TMTC1: variants seen among roughly 807,000 people sequenced by gnomAD.
TMTC1 encodes transmembrane O-mannosyltransferase targeting cadherins 1, also known as protein O-mannosyl-transferase TMTC1.
In TMTC1, 73 loss-of-function variants were observed where a neutral mutation model predicts 104.8. That is an observed-to-expected ratio of 0.70 (90% CI 0.58 to 0.85). The LOEUF (loss-of-function observed/expected upper bound fraction) is 0.85. Among genes scored for constraint, TMTC1 ranks in the 40% least tolerant of loss-of-function variants. TMTC1 has a pLI of 0.00. For missense variants in TMTC1, 1,035 were observed against 1,096.1 expected (o/e 0.94, Z 0.79); for synonymous variants, 434 against 428.7 (o/e 1.01, Z -0.15).
intron 5 of TMTC1, among the ~76,000 whole-genome samples, chr12:29,642,137 A>T (rs1938881276): frequency 6.6e-6 from 1 of 152,206 alleles, no homozygotes; most frequent in Admixed American, 6.5e-5. Flanking sequence ...CTGAGGAAGA[A>T]GAGGATTCTA....
intron 6 of TMTC1, chr12:29,614,044 A>AC: frequency 2.8e-6 from 1 of 355,474 alleles, no homozygotes; most frequent in Non-Finnish European, 3.9e-6. Context: ...GAAGATCTAA[A>AC]TGTTTTAGAG....
chr12:29,571,428 G>A (rs1945673608), intron 9 of TMTC1, among the ~76,000 whole-genome samples: 2 of 151,766 alleles, frequency 1.3e-5, no homozygotes, highest in Admixed American at 1.3e-4. Context: ...ACTTCCGACT[G>A]GCTAGTTGGG....
intron 5 of TMTC1, among the ~76,000 whole-genome samples, chr12:29,708,865 C>T (rs1377798704): frequency 1.3e-5 from 2 of 152,106 alleles, no homozygotes; most frequent in South Asian, 2.1e-4. Context: ...CATCTAAAAT[C>T]AAGGGCCAAG....
At chr12:29,657,445 A>T (rs1939812334) in intron 5 of TMTC1, among the ~76,000 whole-genome samples, 1 of 152,202 alleles carries the variant, frequency 6.6e-6, no homozygotes, top group South Asian at 2.1e-4. Flanking sequence ...TAATTAAAGG[A>T]TATATGAAAC....
intron 9 of TMTC1, among the ~76,000 whole-genome samples, chr12:29,567,142 C>T (rs1047351856): frequency 6.6e-6 from 1 of 152,252 alleles, no homozygotes; most frequent in Admixed American, 6.5e-5. Flanking sequence ...GAGGCCTCAG[C>T]TGGAACTGCA....
chr12:29,590,592 C>T (rs528836577), intron 7 of TMTC1, among the ~76,000 whole-genome samples: 2 of 152,274 alleles, frequency 1.3e-5, no homozygotes, highest in East Asian at 3.9e-4. Context: ...TGAGACCAGC[C>T]TGATCAACAT....
intron 6 of TMTC1, among the ~76,000 whole-genome samples, chr12:29,612,699 G>A (rs138197725): frequency 6.6e-6 from 1 of 152,286 alleles, no homozygotes; most frequent in Non-Finnish European, 1.5e-5. Context: ...ACAGGCATGA[G>A]CCACTGTACC....
chr12:29,721,775 T>C (rs1018240431), intron 5 of TMTC1, among the ~76,000 whole-genome samples: 33 of 152,098 alleles, frequency 2.2e-4, no homozygotes, highest in African/African-American at 8.0e-4. Context: ...TAAAAAGCTT[T>C]TATGTATATA....
chr12:29,600,450 C>T (rs1183655674), intron 7 of TMTC1, among the ~76,000 whole-genome samples: 1 of 152,202 alleles, frequency 6.6e-6, no homozygotes, highest in Non-Finnish European at 1.5e-5. Flanking sequence ...CTTACCCAGA[C>T]TTTAATTTCC....
At chr12:29,563,591 C>G (rs948204108) in intron 9 of TMTC1, among the ~76,000 whole-genome samples, 1 of 152,104 alleles carries the variant, frequency 6.6e-6, no homozygotes, top group Non-Finnish European at 1.5e-5. Context: ...ATGCACAGGA[C>G]AGTTCTGCAC....
At chr12:29,569,512 G>A (rs1409709695) in intron 9 of TMTC1, among the ~76,000 whole-genome samples, 1 of 152,200 alleles carries the variant, frequency 6.6e-6, no homozygotes, top group Non-Finnish European at 1.5e-5. Flanking sequence ...AAGTAGAGGT[G>A]GAGCAGCTGG....
At chr12:29,603,119 C>G (rs1185280062) in intron 7 of TMTC1, among the ~76,000 whole-genome samples, 2 of 152,110 alleles carry the variant, frequency 1.3e-5, no homozygotes, top group Non-Finnish European at 2.9e-5. Context: ...TTATCAAGCA[C>G]TCATCTCCTT....
chr12:29,641,932 G>A (rs1193429167), intron 5 of TMTC1, among the ~76,000 whole-genome samples: 1 of 152,164 alleles, frequency 6.6e-6, no homozygotes, highest in East Asian at 1.9e-4. Context: ...TACATGTTTA[G>A]AAATGTGAAA....
At chr12:29,648,009 C>G (rs967056646) in intron 5 of TMTC1, among the ~76,000 whole-genome samples, 21 of 152,176 alleles carry the variant, frequency 1.4e-4, no homozygotes, top group African/African-American at 5.1e-4. Flanking sequence ...TATGCAGAAG[C>G]CATACTTGGG....
intron 5 of TMTC1, among the ~76,000 whole-genome samples, chr12:29,709,468 A>C (rs1328209145): frequency 2.0e-5 from 3 of 152,234 alleles, no homozygotes; most frequent in Non-Finnish European, 4.4e-5. Flanking sequence ...AAAGGAAGAA[A>C]AGAAAAAATA....
chr12:29,511,711 T>C (rs1943841759), intron 17 of TMTC1, among the ~76,000 whole-genome samples: 1 of 152,194 alleles, frequency 6.6e-6, no homozygotes, highest in African/African-American at 2.4e-5. Context: ...ACTGAGCTAC[T>C]GAGCTTGAAC....
At chr12:29,755,559 T>G in intron 4 of TMTC1, 150 bp downstream of exon 4, 3 of 640,846 alleles carry the variant, frequency 4.7e-6, no homozygotes, top group Admixed American at 3.2e-5. Flanking sequence ...CTTATCTTAA[T>G]GAAATAAGCC....
intron 5 of TMTC1, among the ~76,000 whole-genome samples, chr12:29,701,819 A>G (rs2136800365): frequency 6.6e-6 from 1 of 152,332 alleles, no homozygotes; most frequent in African/African-American, 2.4e-5. Context: ...AATTAAATTC[A>G]TCATGTCAAT....
intron 7 of TMTC1, among the ~76,000 whole-genome samples, chr12:29,585,357 T>C (rs974370374): frequency 3.3e-5 from 5 of 152,254 alleles, no homozygotes; most frequent in Admixed American, 6.5e-5. Context: ...GTCAGATGAG[T>C]AGGTTGCAAA....
Sources: allele counts gnomAD v4.1 joint callset (sites outside exome capture counted in the v4.1 genomes callset), GRCh38; gene constraint gnomAD v4.1.1; transcripts MANE v1.5; gene names NCBI Gene and HGNC (gene_info 2026-07-23, HGNC 2026-07-21).